OR9G1: variants seen among roughly 807,000 people sequenced by gnomAD.
OR9G1 encodes olfactory receptor family 9 subfamily G member 1, also known as olfactory receptor 9G1.
OR9G1 carries 21 observed loss-of-function variants against 14.5 expected under a neutral mutation model. The ratio of observed to expected loss-of-function variants is 1.45; its 90% CI spans 1.03 to 2.09. The LOEUF (loss-of-function observed/expected upper bound fraction) is 2.09. Among genes scored for constraint, OR9G1 ranks in the 30% most tolerant of loss-of-function variants. The pLI is 0.00. For missense variants in OR9G1, 476 were observed against 364.2 expected (o/e 1.31, Z -2.50); for synonymous variants, 179 against 153.3 (o/e 1.17, Z -1.24).
rs1417984465 is a variant in OR9G1 at position 56,703,696 on chromosome 11, AAG to A, written c.*2396_*2397del. ...CATAAACCCTGACATGTAACTATAG[AAG>A]AGAGTCTCAAACTACTTGACGGCTT... On this transcript the variant is annotated 3_prime_UTR_variant, in exon 2 of 2. Transcript: ENST00000642097. The A allele has an allele frequency of 6.6e-6, 1 of 152,316 alleles. No homozygotes were observed. Among genetic ancestry groups the A allele is most frequent in the Non-Finnish European group, 1.5e-5 (1 of 68,060 alleles). The allele number at this position is 152,316 out of a possible 1,614,324, so 9.4% of individuals were successfully genotyped here. A position where few individuals can be genotyped will look rare whatever the true frequency, so the allele number is the denominator to read the frequency against.
Position 56,701,019 on chromosome 11 carries a change from T to C in OR9G1, c.632T>C (p.Val211Ala), listed in dbSNP as rs1269339187. Residue 211 changes from valine (V) to alanine (A), a missense_variant, in exon 2 of 2, where the codon GTG becomes GCG. Val to Ala is a moderately conservative substitution (Grantham distance 64, BLOSUM62 0). Transcript: ENST00000642097. ...GCCTCCAATGTCATCTGCCCCGCAG[T>C]GCTCATCCTGGCCTCCTACCTCTTT... is the stretch of plus-strand genomic sequence containing the variant. ...LLASNVICPA[V>A]LILASYLFII... is the part of the protein sequence containing the mutation. 6.2e-7 allele frequency: 1 copy of C among 1,614,158 alleles called. No individual in the cohort carries two copies. Among genetic ancestry groups the C allele is most frequent in the Non-Finnish European group, 8.5e-7 (1 of 1,180,026 alleles).
Position 56,700,548 on chromosome 11 carries a change from T to C in OR9G1, c.161T>C (p.Leu54Pro), listed in dbSNP as rs1458946984. The change falls in exon 2 of 2, where the codon CTC becomes CCC. Residue 54 changes from leucine (L) to proline (P), a missense_variant. Leu to Pro is a moderately conservative substitution (Grantham distance 98). Around this residue, in one of 3 missense-constraint regions of OR9G1, gnomAD observed 89 missense variants for 85.1 expected, o/e 1.05. Transcript: ENST00000642097. ...GTGTTGATCTGTAATGACTCCTGCC[T>C]CCACACACCCATGTATTTTTTCACT... is the stretch of plus-strand genomic sequence containing the variant. ...LIVLICNDSC[L>P]HTPMYFFTGN... 1.2e-6 allele frequency: 2 copies of C among 1,614,184 alleles called. No individual in the cohort carries two copies. The highest frequency in any genetic ancestry group is 1.3e-5 in the African/African-American group (1 of 74,966).
In OR9G1 at chr11:56,701,046, T is replaced by C. The variant is rs1239049338; in HGVS notation, c.659T>C (p.Ile220Thr). Reference sequence around the variant, plus strand: ...CTCATCCTGGCCTCCTACCTCTTTATCATCACCAGTGTCTTGAGGATCTCC... The same window carrying C: ...CTCATCCTGGCCTCCTACCTCTTTACCATCACCAGTGTCTTGAGGATCTCC... ...AVLILASYLF[I>T]ITSVLRISSS... The change falls in exon 2 of 2, where the codon ATC (isoleucine) becomes ACC (threonine). Residue 220 changes from isoleucine to threonine, a missense_variant. Physicochemically the swap from Ile to Thr is moderately conservative, Grantham distance 89 (BLOSUM62 -1). Around this residue, in one of 3 missense-constraint regions of OR9G1, gnomAD observed 352 missense variants for 211.6 expected, o/e 1.66. Coordinates refer to ENST00000642097, the MANE Select transcript of OR9G1 (RefSeq NM_001005213.2). 6.2e-7 allele frequency: 1 copy of C among 1,614,320 alleles called. No homozygotes were observed. The highest frequency in any genetic ancestry group is 8.5e-7 in the Non-Finnish European group (1 of 1,180,062).
Position 56,703,477 on chromosome 11 carries a change from T to C in OR9G1, c.*2172T>C, listed in dbSNP as rs1373545313. On this transcript the variant is annotated 3_prime_UTR_variant, in exon 2 of 2. Transcript: ENST00000642097. ...CATGTTCTATTTCCCACTAATGATA[T>C]TAAAATTCCTATAAAACACATTCTT... The C allele has an allele frequency of 6.6e-6, 1 of 152,430 alleles. No individual in the cohort carries two copies. The highest frequency in any genetic ancestry group is 1.9e-4 in the East Asian group (1 of 5,196). 9.4% of individuals were successfully genotyped at this position (152,430 alleles called of 1,614,324 possible). A position where few individuals can be genotyped will look rare whatever the true frequency, so the allele number is the denominator to read the frequency against.
chr11:56,701,094 C>G lies in OR9G1; in HGVS notation c.707C>G (p.Ala236Gly). The G allele has an allele frequency of 6.2e-7, 1 of 1,614,302 alleles. No individual in the cohort carries two copies. Among genetic ancestry groups the G allele is most frequent in the Non-Finnish European group, 8.5e-7 (1 of 1,180,046 alleles). The change falls in exon 2 of 2, where the codon GCC becomes GGC. Residue 236 changes from alanine to glycine, a missense_variant. This residue lies in a region of OR9G1 where 352 missense variants were observed against 211.6 expected (regional missense o/e 1.66). Coordinates refer to ENST00000642097, the MANE Select transcript of OR9G1 (RefSeq NM_001005213.2). Reference protein sequence around the residue: ...RISSSKGYLKAFSTCSSHLTS... With the variant: ...RISSSKGYLKGFSTCSSHLTS... ...TCCTCCTCCAAGGGCTACCTCAAAGCCTTCTCCACATGCTCCTCCCACCTG... is the reference window on the plus strand; with the variant it reads ...TCCTCCTCCAAGGGCTACCTCAAAGGCTTCTCCACATGCTCCTCCCACCTG...
intron 1 of OR9G1, 79 bp from the exon 2 acceptor site, chr11:56,700,291 T>A: frequency 1.3e-6 from 2 of 1,534,110 alleles, no homozygotes; most frequent in Middle Eastern, 2.1e-4. Flanking sequence ...CACGAAACAC[T>A]GCAAATGTGA....
Position 56,701,522 on chromosome 11 carries a change from C to A in OR9G1, c.*217C>A, listed in dbSNP as rs907438843. ...AATTTCCTATCTCTCTTATTAAAAA[C>A]AAACATAAACCTTAAGCCCAAAACC... On this transcript the variant is annotated 3_prime_UTR_variant, in exon 2 of 2. Coordinates refer to ENST00000642097, the MANE Select transcript of OR9G1 (RefSeq NM_001005213.2). The A allele has an allele frequency of 4.0e-6, 3 of 745,692 alleles. No homozygotes were observed. In the East Asian group the frequency reaches 8.9e-5, roughly 22 times the overall value. 46.2% of individuals were successfully genotyped at this position (745,692 alleles called of 1,614,324 possible). A position where few individuals can be genotyped will look rare whatever the true frequency, so the allele number is the denominator to read the frequency against.
At position 56,702,404 on chromosome 11, in the gene OR9G1, A is replaced by C. The variant is rs1857657467; in HGVS notation, c.*1099A>C. ...CATACCTATATCAATTCCTGTAAGC[A>C]TCTACCCAGAAGTGGAATTGTTAGA... On this transcript the variant is annotated 3_prime_UTR_variant, in exon 2 of 2. Transcript: ENST00000642097. The C allele has an allele frequency of 6.7e-6, 1 of 148,854 alleles. No homozygotes were observed. Among genetic ancestry groups the C allele is most frequent in the South Asian group, 2.2e-4 (1 of 4,646 alleles). 9.2% of individuals were successfully genotyped at this position (148,854 alleles called of 1,614,324 possible).
In OR9G1 at chr11:56,702,103, T is replaced by TATA. The variant is rs796970627; in HGVS notation, c.*798_*799insATA. On this transcript the variant is annotated 3_prime_UTR_variant, in exon 2 of 2. Transcript: ENST00000642097. Reference sequence around the variant, plus strand: ...ACACATTGATCAACAGATATTTTATTTTTATTTTTAATAGATATTTTATAG... The same window carrying TATA: ...ACACATTGATCAACAGATATTTTATTATATTTATTTTTAATAGATATTTTATAG... 3 of 152,042 alleles carry TATA rather than the reference T, an allele frequency of 2.0e-5. No homozygotes were observed. Among genetic ancestry groups the TATA allele is most frequent in the African/African-American group, 7.3e-5 (3 of 41,354 alleles). The allele number at this position is 152,042 out of a possible 1,614,324, so 9.4% of individuals were successfully genotyped here. A position where few individuals can be genotyped will look rare whatever the true frequency, so the allele number is the denominator to read the frequency against.
intron 1 of OR9G1, among the ~76,000 whole-genome samples, 199 bp from the exon 2 acceptor site, chr11:56,700,171 C>A (rs1239180176): frequency 2.0e-5 from 3 of 152,304 alleles, no homozygotes; most frequent in Non-Finnish European, 4.4e-5. Context: ...AAAGGAAAAA[C>A]ATAATTAAAC....
rs1857655688 is a variant in OR9G1, at chr11:56,702,308, T to TA, written c.*1004dup. The TA allele has an allele frequency of 1.3e-5, 2 of 152,424 alleles. No individual in the cohort carries two copies. The highest frequency in any genetic ancestry group is 6.5e-5 in the Admixed American group (1 of 15,314). The allele number at this position is 152,424 out of a possible 1,614,324, so 9.4% of individuals were successfully genotyped here. On this transcript the variant is annotated 3_prime_UTR_variant, in exon 2 of 2. Transcript: ENST00000642097. ...ATCGATTTATCTGTTGATGGGCACT[T>TA]ACGTTGTTTCTAATTGTTAGCTATT...
Position 56,701,687 on chromosome 11 carries a change from A to C in OR9G1, c.*382A>C, listed in dbSNP as rs116088464. On this transcript the variant is annotated 3_prime_UTR_variant, in exon 2 of 2. Transcript: ENST00000642097. ...CAATTTTTAATATTTTCCTATGTTTAACTGGATGAAATTCATCACTTTCCA... is the reference window on the plus strand; with the variant it reads ...CAATTTTTAATATTTTCCTATGTTTCACTGGATGAAATTCATCACTTTCCA... 456 of 187,706 alleles carry C rather than the reference A, an allele frequency of 2.4e-3. No individual in the cohort carries two copies. The highest frequency in any genetic ancestry group is 0.01 in the African/African-American group (431 of 42,810). The allele number at this position is 187,706 out of a possible 1,614,324, so 11.6% of individuals were successfully genotyped here.
At position 56,700,449 on chromosome 11, in the gene OR9G1, G is replaced by A. The variant is rs1288895523; in HGVS notation, c.62G>A (p.Gly21Glu). The change falls in exon 2 of 2, where the codon GGA becomes GAA. Residue 21 changes from glycine to glutamate, a missense_variant. Gly to Glu is a moderately conservative substitution (Grantham distance 98). Transcript: ENST00000642097. ...FILLGFTTDPGMQLGLFVVFL... is the reference protein window; with the variant it reads ...FILLGFTTDPEMQLGLFVVFL... ...CTGCTGGGCTTCACCACAGACCCAG[G>A]AATGCAGCTGGGCCTCTTCGTGGTG... 6 of 1,614,314 alleles carry A rather than the reference G, an allele frequency of 3.7e-6. No individual in the cohort carries two copies. Among genetic ancestry groups the A allele is most frequent in the South Asian group, 1.1e-5 (1 of 91,092 alleles).
In OR9G1 at chr11:56,700,964, G is replaced by A. The variant is rs12421330; in HGVS notation, c.577G>A (p.Gly193Ser). Reference sequence around the variant, plus strand: ...GGAGCTGGCCTGTGGCGAGAAGGGCGGCTATAAAATTATGATGTACTTCCT... The same window carrying A: ...GGAGCTGGCCTGTGGCGAGAAGGGCAGCTATAAAATTATGATGTACTTCCT... ...LVELACGEKG[G>S]YKIMMYFLLA... Residue 193 changes from glycine to serine, a missense_variant, in exon 2 of 2, where the codon GGC (glycine) becomes AGC (serine). Gly to Ser is a moderately conservative substitution (Grantham distance 56). Around this residue, in one of 3 missense-constraint regions of OR9G1, gnomAD observed 352 missense variants for 211.6 expected, o/e 1.66. Coordinates refer to ENST00000642097, the MANE Select transcript of OR9G1 (RefSeq NM_001005213.2). The A allele has an allele frequency of 1.8e-5, 29 of 1,613,288 alleles. No homozygotes were observed. Among genetic ancestry groups the A allele is most frequent in the East Asian group, 6.7e-5 (3 of 44,872 alleles).
Position 56,700,414 on chromosome 11 carries a change from T to C in OR9G1, c.27T>C (p.Thr9=), listed in dbSNP as rs746860294. MQRSNHTV[T]EFILLGFTTD... is the part of the protein sequence containing the mutation. Reference sequence around the variant, plus strand: ...TGCAGAGGAGCAATCATACAGTGACTGAGTTTATACTGCTGGGCTTCACCA... The same window carrying C: ...TGCAGAGGAGCAATCATACAGTGACCGAGTTTATACTGCTGGGCTTCACCA... The change falls in exon 2 of 2, where the codon ACT becomes ACC. Residue 9 remains threonine (T), a synonymous_variant. Transcript: ENST00000642097. 6.2e-7 allele frequency: 1 copy of C among 1,614,290 alleles called. No individual in the cohort carries two copies. Among genetic ancestry groups the C allele is most frequent in the East Asian group, 2.2e-5 (1 of 44,896 alleles).
rs1011421191 is a variant in OR9G1 at position 56,703,608 on chromosome 11, G to A, written c.*2303G>A. ...AACTAGAAAGTACATCATTCCAGAG[G>A]GAAGCATCAATTGCAGAAAGTAAAA... On this transcript the variant is annotated 3_prime_UTR_variant, in exon 2 of 2. Transcript: ENST00000642097. 4 of 152,430 alleles carry A rather than the reference G, an allele frequency of 2.6e-5. No homozygotes were observed. Among genetic ancestry groups the A allele is most frequent in the Admixed American group, 6.5e-5 (1 of 15,312 alleles). 9.4% of individuals were successfully genotyped at this position (152,430 alleles called of 1,614,324 possible). A position where few individuals can be genotyped will look rare whatever the true frequency, so the allele number is the denominator to read the frequency against.
At position 56,701,225 on chromosome 11, in the gene OR9G1, G is replaced by T. The variant is rs551399821; in HGVS notation, c.838G>T (p.Val280Leu). ...AATAGTTTCTACATTTTACACTGTG[G>T]TATTCCCCATGTTGAATCTCATGAT... is the stretch of plus-strand genomic sequence containing the variant. ...DKIVSTFYTVVFPMLNLMIYS... is the reference protein window; with the variant it reads ...DKIVSTFYTVLFPMLNLMIYS... Residue 280 changes from valine (V) to leucine (L), a missense_variant, in exon 2 of 2, where the codon GTA becomes TTA. By Grantham distance (32) the Val-to-Leu change is conservative (BLOSUM62 1). Around this residue, in one of 3 missense-constraint regions of OR9G1, gnomAD observed 352 missense variants for 211.6 expected, o/e 1.66. Transcript: ENST00000642097. 5.6e-6 allele frequency: 9 copies of T among 1,614,270 alleles called. No individual in the cohort carries two copies. Among genetic ancestry groups the T allele is most frequent in the Admixed American group, 3.3e-5 (2 of 60,034 alleles).
Position 56,700,293 on chromosome 11 carries a change from C to A in OR9G1, c.-18-77C>A, listed in dbSNP as rs1403117923. 5 of 1,535,998 alleles carry A rather than the reference C, an allele frequency of 3.3e-6. No homozygotes were observed. In the Admixed American group the frequency reaches 8.1e-5, roughly 25 times the overall value. ...TGGTTCTAGACTTCACGAAACACTGCAAATGTGATCTTATGTAACATAATT... is the reference window on the plus strand; with the variant it reads ...TGGTTCTAGACTTCACGAAACACTGAAAATGTGATCTTATGTAACATAATT... On this transcript the variant is annotated intron_variant, in intron 1 of 1. Coordinates refer to ENST00000642097, the MANE Select transcript of OR9G1 (RefSeq NM_001005213.2).
Position 56,701,220 on chromosome 11 carries a change from CT to C in OR9G1, c.834del (p.Val279TrpfsTer6), listed in dbSNP as rs1857625327. The C allele has an allele frequency of 6.2e-7, 1 of 1,614,152 alleles. No homozygotes were observed. Among genetic ancestry groups the C allele is most frequent in the Non-Finnish European group, 8.5e-7 (1 of 1,180,034 alleles). The stretch of plus-strand genomic sequence containing the variant: ...GACAAAATAGTTTCTACATTTTACA[CT>C]GTGGTATTCCCCATGTTGAATCTCA... Reference protein sequence around the residue: ...DMDKIVSTFYTVVFPMLNLMI... With the variant: ...DMDKIVSTFYXVVFPMLNLMI... On this transcript the variant is annotated frameshift_variant, in exon 2 of 2. Coordinates refer to ENST00000642097, the MANE Select transcript of OR9G1 (RefSeq NM_001005213.2). LOFTEE classifies it high-confidence loss of function.
Sources: allele counts gnomAD v4.1 joint callset (sites outside exome capture counted in the v4.1 genomes callset), GRCh38; gene constraint gnomAD v4.1.1; regional missense constraint gnomAD v4.1.1; transcripts MANE v1.5; gene names NCBI Gene and HGNC (gene_info 2026-07-23, HGNC 2026-07-21).